The following MELK variants were observed in gnomAD, a reference collection of about 807,000 sequenced individuals.
MELK encodes the protein pEg3 kinase.
MELK carries 81 observed loss-of-function variants against 85.0 expected under a neutral mutation model. The observed-to-expected ratio is 0.95, with a 90% confidence interval of 0.80 to 1.15. The LOEUF (loss-of-function observed/expected upper bound fraction) is 1.15. Among genes scored for constraint, MELK ranks in the 50% most tolerant of loss-of-function variants. The pLI is 0.00. For synonymous variants in MELK, 252 were observed against 265.0 expected, an observed-to-expected ratio of 0.95 and a Z score of 0.48; for missense variants, 754 against 777.5, an observed-to-expected ratio of 0.97 and a Z score of 0.36.
At chr9:36,577,471 G>T (rs571941995) in intron 1 of MELK, among the ~76,000 whole-genome samples, 2 of 151,840 alleles carry the variant, frequency 1.3e-5, no homozygotes, top group Admixed American at 1.3e-4. Flanking sequence ...AGCTGAGATC[G>T]CACTACTGCA....
intron 1 of MELK, among the ~76,000 whole-genome samples, chr9:36,576,430 A>G (rs1348360357): frequency 6.6e-6 from 1 of 152,112 alleles, no homozygotes; most frequent in Non-Finnish European, 1.5e-5. Context: ...TTTGATGTTG[A>G]AGACTGAACC....
At chr9:36,672,632 A>T (rs568319476) in intron 16 of MELK, among the ~76,000 whole-genome samples, 24 of 152,322 alleles carry the variant, frequency 1.6e-4, no homozygotes, top group African/African-American at 5.5e-4. Flanking sequence ...TATAGCTTTG[A>T]TAAATCATTT....
intron 1 of MELK, 98 bp from the exon 2 acceptor site, chr9:36,581,546 T>C: frequency 3.1e-6 from 2 of 648,134 alleles, no homozygotes; most frequent in South Asian, 1.9e-5. Flanking sequence ...TTCAGTATCA[T>C]GTAAATGCAT....
intron 4 of MELK, among the ~76,000 whole-genome samples, chr9:36,592,719 G>T (rs1823757285): frequency 6.6e-6 from 1 of 151,850 alleles, no homozygotes; most frequent in South Asian, 2.1e-4. Flanking sequence ...TCTTTATTTT[G>T]TATTTCTTTA....
chr9:36,651,221 G>A (rs954443795), intron 11 of MELK, among the ~76,000 whole-genome samples: 9 of 152,126 alleles, frequency 5.9e-5, no homozygotes, highest in African/African-American at 1.7e-4. Flanking sequence ...GGACCCTACT[G>A]ACCTCTTGGC....
intron 7 of MELK, among the ~76,000 whole-genome samples, chr9:36,602,508 A>AAG (rs1302748389): frequency 2.0e-5 from 3 of 149,128 alleles, no homozygotes; most frequent in African/African-American, 7.4e-5. Context: ...AAAAAAAAAA[A>AAG]GAGTTTCACA....
chr9:36,676,603 G>C (rs1228862012), intron 17 of MELK, among the ~76,000 whole-genome samples: 2 of 152,030 alleles, frequency 1.3e-5, no homozygotes, highest in Non-Finnish European at 2.9e-5. Flanking sequence ...TTTTTCTTCT[G>C]CTTTTCTTTC....
Position 36,607,608 on chromosome 9 carries a change from G to C in MELK, c.601G>C (p.Val201Leu). Residue 201 changes from valine to leucine, a missense_variant, in exon 8 of 18, where the codon GTT becomes CTT. Physicochemically the swap from Val to Leu is conservative, Grantham distance 32. Transcript: ENST00000298048. ...DVWSMGILLY[V>L]LMCGFLPFDD... is the part of the protein sequence containing the mutation. ...TTGGAGCATGGGCATACTGTTATAT[G>C]TTCTTATGTGTGGATTTCTACCATT... The C allele has an allele frequency of 1.2e-6, 2 of 1,612,930 alleles. No homozygotes were observed. The highest frequency in any genetic ancestry group is 1.7e-6 in the Non-Finnish European group (2 of 1,179,068).
intron 8 of MELK, among the ~76,000 whole-genome samples, chr9:36,621,282 A>AAAAAAACAAAAC (rs1827396698): frequency 1.4e-5 from 1 of 69,194 alleles, no homozygotes; most frequent in East Asian, 4.2e-4. Flanking sequence ...AGGGAAAAAA[A>AAAAAAACAAAAC]AAAAAAAAAA....
chr9:36,646,751 C>G (rs549440114), intron 11 of MELK, among the ~76,000 whole-genome samples: 1 of 152,342 alleles, frequency 6.6e-6, no homozygotes, highest in Admixed American at 6.5e-5. Context: ...AGACTGAAGG[C>G]CTCAGGAGGA....
At chr9:36,621,352 G>A (rs55979522) in intron 8 of MELK, among the ~76,000 whole-genome samples, 3 of 134,496 alleles carry the variant, frequency 2.2e-5, no homozygotes, top group South Asian at 2.4e-4. Flanking sequence ...TAAGTGTTCC[G>A]AGTATTGGTT....
chr9:36,602,967 CTGAG>C (rs1365604511), intron 7 of MELK, among the ~76,000 whole-genome samples: 1 of 152,174 alleles, frequency 6.6e-6, no homozygotes, highest in Non-Finnish European at 1.5e-5. Flanking sequence ...CAGCTGGTGA[CTGAG>C]TGAGATTTGA....
At position 36,607,664 on chromosome 9, in the gene MELK, G is replaced by C; in HGVS notation, c.657G>C (p.Lys219Asn). The C allele has an allele frequency of 1.3e-6, 2 of 1,592,904 alleles. No homozygotes were observed. Among genetic ancestry groups the C allele is most frequent in the Non-Finnish European group, 1.7e-6 (2 of 1,160,898 alleles). Residue 219 changes from lysine (K) to asparagine (N), a missense_variant, in exon 8 of 18, where the codon AAG becomes AAC. Lys to Asn is a moderately conservative substitution (Grantham distance 94). Coordinates refer to ENST00000298048, the MANE Select transcript of MELK (RefSeq NM_014791.4). ...FDDDNVMALY[K>N]KIMRGKYDVP... Reference sequence around the variant, plus strand: ...ATGATAATGTAATGGCTTTATACAAGAAGATTATGGTGAGTATTACAAGGC... The same window carrying C: ...ATGATAATGTAATGGCTTTATACAACAAGATTATGGTGAGTATTACAAGGC...
chr9:36,654,402 C>G lies in MELK; in HGVS notation c.1053+2525C>G, dbSNP rs1208209493. Among the ~76,000 whole-genome samples the G allele has an allele frequency of 5.1e-5, 6 of 117,104 alleles. No individual in the cohort carries two copies. The East Asian group carries it at 1.7e-3, about 34-fold the overall frequency. 76.8% of individuals were successfully genotyped at this position (117,104 alleles called of 152,430 possible). On this transcript the variant is annotated intron_variant, in intron 12 of 17. Coordinates refer to ENST00000298048, the MANE Select transcript of MELK (RefSeq NM_014791.4). ...ACAGAGTCTTGCTTTGTTGCCCAGG[C>G]TGGAGTGCAGTAGTGTGGTCTTGGC... is the stretch of plus-strand genomic sequence containing the variant.
chr9:36,652,000 A>G, intron 12 of MELK, 123 bp downstream of exon 12: 1 of 716,740 alleles, frequency 1.4e-6, no homozygotes, highest in East Asian at 4.4e-5. Context: ...TGATTTCAAT[A>G]TTTTTGATGA....
chr9:36,654,221 C>T (rs1434573603), intron 12 of MELK, among the ~76,000 whole-genome samples: 2 of 151,974 alleles, frequency 1.3e-5, no homozygotes, highest in Non-Finnish European at 2.9e-5. Flanking sequence ...TGCATCTGCT[C>T]AAGGTAATTG....
intron 16 of MELK, among the ~76,000 whole-genome samples, chr9:36,673,994 G>A (rs189972620): frequency 4.6e-5 from 7 of 152,180 alleles, no homozygotes; most frequent in Admixed American, 4.6e-4. Flanking sequence ...TAAGAAATTT[G>A]TATCTCTTCT....
chr9:36,592,236 G>A (rs181680971), intron 4 of MELK, among the ~76,000 whole-genome samples: 4 of 148,668 alleles, frequency 2.7e-5, no homozygotes, highest in Non-Finnish European at 5.9e-5. Flanking sequence ...GTGCAATGGC[G>A]TAACCTTGGC....
chr9:36,583,544 G>T, intron 2 of MELK, 83 bp from the exon 3 acceptor site: 1 of 831,620 alleles, frequency 1.2e-6, no homozygotes. Flanking sequence ...TGGCTTGATA[G>T]AGTCTTTTAA....
Sources: gnomAD v4.1 joint callset for allele counts (sites outside exome capture counted in the v4.1 genomes callset) on GRCh38, gnomAD v4.1.1 for gene constraint, MANE v1.5 for transcripts, NCBI Gene and HGNC (gene_info 2026-07-23, HGNC 2026-07-21) for gene names.